The following ARHGEF28 variants were observed in gnomAD, a reference collection of about 807,000 sequenced individuals.
ARHGEF28 encodes the protein 190 kDa guanine nucleotide exchange factor.
ARHGEF28 carries 152 observed loss-of-function variants against 206.6 expected under a neutral mutation model. The ratio of observed to expected loss-of-function variants is 0.74; its 90% CI spans 0.64 to 0.84. ARHGEF28 has a LOEUF of 0.84. ARHGEF28 is among the 40% of genes least tolerant of loss of function. The probability of loss-of-function intolerance (pLI) is 0.00; values close to 1 mark genes in which losing one functional copy is unlikely to be tolerated. For missense variants in ARHGEF28, 2,028 were observed against 2,073.2 expected (o/e 0.98, Z 0.42); for synonymous variants, 763 against 776.4 (o/e 0.98, Z 0.29).
intron 35 of ARHGEF28, among the ~76,000 whole-genome samples, chr5:73,915,695 C>G (rs1763174756): frequency 6.6e-6 from 1 of 152,052 alleles, no homozygotes; most frequent in Non-Finnish European, 1.5e-5. Flanking sequence ...TTTCTCCTAG[C>G]TTTAACATTT....
intron 11 of ARHGEF28, among the ~76,000 whole-genome samples, chr5:73,842,847 G>A (rs1275737312): frequency 6.6e-6 from 1 of 152,064 alleles, no homozygotes; most frequent in East Asian, 1.9e-4. Flanking sequence ...GCTGGGCATG[G>A]TGGCACACAT....
At chr5:73,872,135 C>T (rs945315221) in intron 21 of ARHGEF28, among the ~76,000 whole-genome samples, 24 of 152,166 alleles carry the variant, frequency 1.6e-4, no homozygotes, top group African/African-American at 5.5e-4. Flanking sequence ...AGTTTCTCCA[C>T]ATCCTCACCA....
chr5:73,784,755 A>G (rs1754057220), intron 7 of ARHGEF28, among the ~76,000 whole-genome samples: 1 of 152,216 alleles, frequency 6.6e-6, no homozygotes, highest in Non-Finnish European at 1.5e-5. Flanking sequence ...ATACACACCT[A>G]TGATAAAGTT....
chr5:73,879,705 G>T (rs945298010), intron 22 of ARHGEF28, among the ~76,000 whole-genome samples: 1 of 152,178 alleles, frequency 6.6e-6, no homozygotes, highest in African/African-American at 2.4e-5. Context: ...GACCCTGTTT[G>T]CCTGGGTATC....
At chr5:73,631,417 G>GAT (rs1474445112) in intron 1 of ARHGEF28, among the ~76,000 whole-genome samples, 2 of 152,140 alleles carry the variant, frequency 1.3e-5, no homozygotes, top group African/African-American at 4.8e-5. Context: ...AAAGGTAGAG[G>GAT]ATATTCAGTG....
chr5:73,860,703 T>A (rs1258698671), intron 16 of ARHGEF28, among the ~76,000 whole-genome samples: 6 of 152,212 alleles, frequency 3.9e-5, no homozygotes, highest in Non-Finnish European at 8.8e-5. Context: ...TTATGATCAG[T>A]ACTTTTCCCA....
In ARHGEF28 at chr5:73,885,844, A is replaced by G. The variant is rs1197367168; in HGVS notation, c.3056-6A>G. 1.3e-6 allele frequency: 2 copies of G among 1,595,586 alleles called. No homozygotes were observed. Among genetic ancestry groups the G allele is most frequent in the African/African-American group, 1.4e-5 (1 of 73,846 alleles). ...TTTTGTTTGTTTGTTTCTTTTTCCC[A>G]CGCAGAAAGAACTGAGGAACATAAA... On this transcript the variant is annotated splice_region_variant and splice_polypyrimidine_tract_variant and intron_variant, in intron 24 of 35. Coordinates refer to ENST00000513042, the MANE Select transcript of ARHGEF28 (RefSeq NM_001177693.2).
At chr5:73,778,533 T>C (rs756467255) in intron 6 of ARHGEF28, among the ~76,000 whole-genome samples, 1 of 152,178 alleles carries the variant, frequency 6.6e-6, no homozygotes, top group Non-Finnish European at 1.5e-5. Context: ...TAGAGTGGAA[T>C]GGCCTTATGT....
rs1172389048 is a variant in ARHGEF28, at chr5:73,773,894, G to A, written c.515G>A (p.Arg172Lys). Residue 172 changes from arginine (R) to lysine (K), a missense_variant, in exon 5 of 36, where the codon AGA (arginine) becomes AAA (lysine). Transcript: ENST00000513042. ...HRESLLHLAM[R>K]WGLAKLSQFF... ...GAATCTCTTCTACACCTGGCTATGA[G>A]ATGGGGCCTGGCTAAACTTTCCCAG... is the stretch of plus-strand genomic sequence containing the variant. 2 of 1,608,784 alleles carry A rather than the reference G, an allele frequency of 1.2e-6. No individual in the cohort carries two copies. The highest frequency in any genetic ancestry group is 1.7e-6 in the Non-Finnish European group (2 of 1,177,530).
Position 73,936,457 on chromosome 5 carries a change from G to C in ARHGEF28, c.4949-4387G>C, listed in dbSNP as rs1764423076. On this transcript the variant is annotated intron_variant, in intron 35 of 35. Transcript: ENST00000513042. Reference sequence around the variant, plus strand: ...CATACCTGCGTCAGATAATGAACTTGGTTGTGTTTCTCAAGTATAAAGCAA... The same window carrying C: ...CATACCTGCGTCAGATAATGAACTTCGTTGTGTTTCTCAAGTATAAAGCAA... 2.0e-5 allele frequency among the ~76,000 whole-genome samples: 3 copies of C among 152,144 alleles called. No homozygotes were observed. The South Asian group carries it at 6.2e-4, about 32-fold the overall frequency.
Position 73,874,449 on chromosome 5 carries a change from T to C in ARHGEF28, c.2814+1203T>C, listed in dbSNP as rs1360843720. ...ATTATACTTTAAGTTTTAGGGTACATGTGCACAATGTGCAGGTTAGTTACA... is the reference window on the plus strand; with the variant it reads ...ATTATACTTTAAGTTTTAGGGTACACGTGCACAATGTGCAGGTTAGTTACA... On this transcript the variant is annotated intron_variant, in intron 22 of 35. Transcript: ENST00000513042. Among the ~76,000 whole-genome samples the C allele has an allele frequency of 2.0e-5, 3 of 151,906 alleles. No individual in the cohort carries two copies. In the East Asian group the frequency reaches 5.8e-4, roughly 29 times the overall value.
intron 1 of ARHGEF28, among the ~76,000 whole-genome samples, chr5:73,628,612 C>G (rs1025506241): frequency 6.6e-6 from 1 of 152,186 alleles, no homozygotes; most frequent in African/African-American, 2.4e-5. Flanking sequence ...CACCGGCCCC[C>G]GCCCATAACC....
intron 2 of ARHGEF28, among the ~76,000 whole-genome samples, chr5:73,728,074 T>C (rs1476173810): frequency 6.6e-6 from 1 of 152,234 alleles, no homozygotes; most frequent in Admixed American, 6.5e-5. Flanking sequence ...GTTGGTGAAG[T>C]TCGTCTTGTT....
chr5:73,936,298 A>C (rs1268159701), intron 35 of ARHGEF28, among the ~76,000 whole-genome samples: 1 of 152,190 alleles, frequency 6.6e-6, no homozygotes, highest in Non-Finnish European at 1.5e-5. Context: ...TGCAAATACT[A>C]TCTTTTGAGG....
chr5:73,848,887 A>C, intron 12 of ARHGEF28, 89 bp from the exon 13 acceptor site: 2 of 907,488 alleles, frequency 2.2e-6, no homozygotes, highest in South Asian at 3.1e-5. Flanking sequence ...CTCTTTTCAA[A>C]GGTGCAAATT....
At chr5:73,792,211 T>G (rs1207690521) in intron 7 of ARHGEF28, among the ~76,000 whole-genome samples, 4 of 152,222 alleles carry the variant, frequency 2.6e-5, no homozygotes, top group East Asian at 3.8e-4. Flanking sequence ...GTACAATTTT[T>G]AATGAAGACA....
At chr5:73,794,374 C>G in intron 7 of ARHGEF28, 28 bp from the exon 8 acceptor site, 1 of 1,563,138 alleles carries the variant, frequency 6.4e-7, no homozygotes, top group Admixed American at 1.9e-5. Context: ...CTCCCATCAG[C>G]AGATCCTGAT....
chr5:73,817,548 G>A (rs1005494483), intron 9 of ARHGEF28, among the ~76,000 whole-genome samples: 1 of 152,098 alleles, frequency 6.6e-6, no homozygotes, highest in East Asian at 1.9e-4. Flanking sequence ...GGAAACACAG[G>A]GAACAGTAAC....
rs771341384 is a variant in ARHGEF28, at chr5:73,753,148, A to C, written c.421A>C (p.Thr141Pro). 6.4e-7 allele frequency: 1 copy of C among 1,558,112 alleles called. No homozygotes were observed. Among genetic ancestry groups the C allele is most frequent in the Admixed American group, 1.9e-5 (1 of 52,766 alleles). Reference protein sequence around the residue: ...ALDEELVLALTHLELPLEWTV... With the variant: ...ALDEELVLALPHLELPLEWTV... ...GGATGAGGAGCTCGTGCTGGCTCTGACCCATCTGGAATTGCCTCTAGAGTG... is the reference window on the plus strand; with the variant it reads ...GGATGAGGAGCTCGTGCTGGCTCTGCCCCATCTGGAATTGCCTCTAGAGTG... The change falls in exon 4 of 36, where the codon ACC becomes CCC. Residue 141 changes from threonine (T) to proline (P), a missense_variant. Thr to Pro is a conservative substitution (Grantham distance 38). Transcript: ENST00000513042.
Sources: allele counts gnomAD v4.1 joint callset (sites outside exome capture counted in the v4.1 genomes callset), GRCh38; gene constraint gnomAD v4.1.1; transcripts MANE v1.5; gene names NCBI Gene and HGNC (gene_info 2026-07-23, HGNC 2026-07-21).